Variants in EMC3 observed in about 807,000 individuals in gnomAD.
EMC3 encodes ER membrane protein complex subunit 3.
EMC3 carries 13 observed loss-of-function variants against 36.6 expected under a neutral mutation model. The observed-to-expected ratio is 0.35, with a 90% confidence interval of 0.23 to 0.56. The LOEUF (loss-of-function observed/expected upper bound fraction) is 0.56, where lower values mean the gene tolerates loss of function less well. Among genes scored for constraint, EMC3 ranks in the 20% least tolerant of loss-of-function variants. The pLI is 0.84. For synonymous variants in EMC3, 120 were observed against 111.9 expected (o/e 1.07, Z -0.46); for missense variants, 220 against 324.5 (o/e 0.68, Z 2.47).
intron 1 of EMC3, among the ~76,000 whole-genome samples, chr3:9,984,612 C>T (rs535344193): frequency 3.9e-5 from 6 of 152,178 alleles, no homozygotes; most frequent in South Asian, 2.1e-4. Flanking sequence ...AGGATGGTCT[C>T]GATCTCCTGA....
intron 1 of EMC3, chr3:10,002,750 A>G (rs567721687): frequency 1.1e-5 from 5 of 446,338 alleles, no homozygotes; most frequent in Non-Finnish European, 2.3e-5. Context: ...GACCTGCACA[A>G]CTGGATACAC....
chr3:9,969,312 C>T, intron 7 of EMC3: 1 of 1,102,528 alleles, frequency 9.1e-7, no homozygotes, highest in Non-Finnish European at 1.1e-6. Context: ...AGATTTTGTC[C>T]CACAAAAATC....
intron 7 of EMC3, among the ~76,000 whole-genome samples, chr3:9,964,765 A>T (rs1409627271): frequency 6.6e-6 from 1 of 152,220 alleles, no homozygotes; most frequent in Non-Finnish European, 1.5e-5. Context: ...GTAATTTTTA[A>T]TCACTGGAAT....
intron 1 of EMC3, among the ~76,000 whole-genome samples, chr3:9,980,519 T>A (rs2085899016): frequency 6.6e-6 from 1 of 151,266 alleles, no homozygotes; most frequent in African/African-American, 2.4e-5. Flanking sequence ...GCACACACCA[T>A]GACACCTGGC....
chr3:9,982,073 G>T (rs369979848), intron 1 of EMC3, among the ~76,000 whole-genome samples: 2 of 143,080 alleles, frequency 1.4e-5, no homozygotes, highest in Admixed American at 1.4e-4. Flanking sequence ...GCCTCAGCCC[G>T]CAGAGTAGCT....
chr3:10,002,366 G>C (rs908013680), intron 1 of EMC3, among the ~76,000 whole-genome samples: 1 of 150,004 alleles, frequency 6.7e-6, no homozygotes, highest in African/African-American at 2.5e-5. Flanking sequence ...TTGGCTCACT[G>C]CAGCCTTGAC....
At chr3:9,966,339 C>A (rs2085736502) in intron 7 of EMC3, among the ~76,000 whole-genome samples, 1 of 151,674 alleles carries the variant, frequency 6.6e-6, no homozygotes, top group Non-Finnish European at 1.5e-5. Flanking sequence ...TCTCCTGCCT[C>A]AGCCTCCTGA....
upstream of EMC3, chr3:9,988,007 G>C (rs1575688568): frequency 1.1e-6 from 1 of 870,564 alleles, no homozygotes. Context: ...GGACAAGCAA[G>C]GTAAAGAGCT....
intron 7 of EMC3, among the ~76,000 whole-genome samples, chr3:9,965,009 T>C (rs564815679): frequency 1.4e-4 from 21 of 151,700 alleles, no homozygotes; most frequent in African/African-American, 4.6e-4. Context: ...AGGCTGAGGC[T>C]AAGGATAGCT....
intron 1 of EMC3, among the ~76,000 whole-genome samples, chr3:10,000,124 C>T (rs2086179546): frequency 6.6e-6 from 1 of 151,968 alleles, no homozygotes; most frequent in Admixed American, 6.6e-5. Flanking sequence ...TGCAATGCAC[C>T]TCTGCCTTCC....
upstream of EMC3, among the ~76,000 whole-genome samples, chr3:9,988,974 A>G (rs2086012338): frequency 6.6e-6 from 1 of 151,762 alleles, no homozygotes; most frequent in Non-Finnish European, 1.5e-5. Context: ...TACAGTATCC[A>G]CAAGGGGAAA....
chr3:9,984,343 G>A (rs955071395), intron 1 of EMC3, among the ~76,000 whole-genome samples: 2 of 151,986 alleles, frequency 1.3e-5, no homozygotes, highest in Non-Finnish European at 2.9e-5. Context: ...GCCTCTCAAA[G>A]TGTTGGGATT....
intron 3 of EMC3, among the ~76,000 whole-genome samples, chr3:9,975,047 G>A (rs534858310): frequency 2.0e-5 from 3 of 151,622 alleles, no homozygotes; most frequent in East Asian, 1.9e-4. Context: ...TTTCAGTAGA[G>A]ACGGGGTTTC....
chr3:10,003,475 T>C, intron 1 of EMC3: 1 of 351,002 alleles, frequency 2.8e-6, no homozygotes, highest in Non-Finnish European at 5.6e-6. Flanking sequence ...TTATAGTCAG[T>C]GTAGACAGGT....
rs150337326 is a variant in EMC3 at position 9,969,483 on chromosome 3, T to C, written c.657+236A>G. 2.1e-6 allele frequency: 3 copies of C among 1,408,320 alleles called. No individual in the cohort carries two copies. In the Admixed American group the frequency reaches 8.2e-5, roughly 39 times the overall value. The allele number at this position is 1,408,320 out of a possible 1,614,324, so 87.2% of individuals were successfully genotyped here. ...TTGGATTATTTTACAGCATCATTGA[T>C]AGTGTGGATTAAATTCCAGTGAGCA... On this transcript the variant is annotated intron_variant, in intron 7 of 7. Coordinates refer to ENST00000245046, the MANE Select transcript of EMC3 (RefSeq NM_001394674.1).
At chr3:9,986,399 C>G (rs2085972486) in intron 1 of EMC3, 108 bp downstream of exon 1, 1 of 1,323,226 alleles carries the variant, frequency 7.6e-7, no homozygotes, top group South Asian at 1.3e-5. Context: ...TAAGGTCACC[C>G]TGTCAGAGGG....
Position 9,973,684 on chromosome 3 carries a change from G to C in EMC3, c.438C>G (p.Leu146=), listed in dbSNP as rs554565943. 2.5e-6 allele frequency: 4 copies of C among 1,614,064 alleles called. No homozygotes were observed. The highest frequency in any genetic ancestry group is 3.4e-6 in the Non-Finnish European group (4 of 1,180,024). ...CTTGCTGTAACATAGGCTTAAAACG[G>C]AGGGTCAGTGGAAATGGGACCTTGG... ...VTTKVPFPLT[L]RFKPMLQQGI... is the part of the protein sequence containing the mutation. Residue 146 remains leucine, a synonymous_variant, in exon 5 of 8, where the codon CTC becomes CTG. Transcript: ENST00000245046.
chr3:9,991,040 G>A (rs868532629), upstream of EMC3, among the ~76,000 whole-genome samples: 20 of 152,046 alleles, frequency 1.3e-4, no homozygotes, highest in Middle Eastern at 6.8e-3. Context: ...ATGTTAGCCA[G>A]GATGGTCTCG....
At chr3:10,002,011 A>G (rs866131549) in intron 1 of EMC3, among the ~76,000 whole-genome samples, 2 of 152,120 alleles carry the variant, frequency 1.3e-5, no homozygotes, top group Middle Eastern at 3.4e-3. Flanking sequence ...AAAAATACAT[A>G]TATATATATT....
Sources: gnomAD v4.1 joint callset for allele counts (sites outside exome capture counted in the v4.1 genomes callset) on GRCh38, gnomAD v4.1.1 for gene constraint, MANE v1.5 for transcripts, NCBI Gene and HGNC (gene_info 2026-07-23, HGNC 2026-07-21) for gene names.